The following PIK3C2A variants were observed in gnomAD, a reference collection of about 807,000 sequenced individuals.
PIK3C2A encodes the protein phosphatidylinositol 4-phosphate 3-kinase C2 domain-containing subunit alpha.
Under a neutral mutation model 204.5 loss-of-function variants are expected in PIK3C2A, and 97 were observed. That is an observed-to-expected ratio of 0.47 (90% CI 0.40 to 0.56). PIK3C2A has a LOEUF of 0.56. Among genes scored for constraint, PIK3C2A ranks in the 20% least tolerant of loss-of-function variants. The pLI, the probability that PIK3C2A is intolerant of heterozygous loss-of-function variation, is 0.00. For missense variants in PIK3C2A, 1,735 were observed against 1,969.2 expected (o/e 0.88, Z 2.25); for synonymous variants, 653 against 664.4 (o/e 0.98, Z 0.26).
At chr11:17,181,056 G>T (rs1565296660) in intron 1 of PIK3C2A, among the ~76,000 whole-genome samples, 1 of 152,098 alleles carries the variant, frequency 6.6e-6, no homozygotes, top group African/African-American at 2.4e-5. Flanking sequence ...AAAGGGAAGA[G>T]ATGCATAGGG....
chr11:17,207,630 A>G (rs1472043583), intron 1 of PIK3C2A, among the ~76,000 whole-genome samples: 1 of 152,056 alleles, frequency 6.6e-6, no homozygotes, highest in Non-Finnish European at 1.5e-5. Flanking sequence ...CCTCCAGCGC[A>G]GCACTTGCTC....
intron 4 of PIK3C2A, among the ~76,000 whole-genome samples, chr11:17,149,483 C>T (rs764737022): frequency 6.6e-6 from 1 of 152,154 alleles, no homozygotes; most frequent in Non-Finnish European, 1.5e-5. Flanking sequence ...CAATCCCCCA[C>T]AGATGATATT....
intron 1 of PIK3C2A, among the ~76,000 whole-genome samples, chr11:17,171,542 G>C (rs971199073): frequency 4.6e-5 from 7 of 152,050 alleles, no homozygotes; most frequent in African/African-American, 1.7e-4. Context: ...TGAAGAAAGA[G>C]GAATTCAAAG....
chr11:17,161,777 T>C (rs1465567588), intron 2 of PIK3C2A, among the ~76,000 whole-genome samples: 1 of 152,120 alleles, frequency 6.6e-6, no homozygotes, highest in Non-Finnish European at 1.5e-5. Context: ...CTTAAGCATG[T>C]GAAGTAATTA....
chr11:17,092,442 G>A (rs1488571720), intron 28 of PIK3C2A, among the ~76,000 whole-genome samples, 166 bp from the exon 29 acceptor site: 2 of 152,294 alleles, frequency 1.3e-5, no homozygotes, highest in East Asian at 1.9e-4. Flanking sequence ...CAAGGCGGGT[G>A]GATCACTTGA....
chr11:17,129,879 G>A (rs571274540), intron 12 of PIK3C2A, among the ~76,000 whole-genome samples: 4 of 152,278 alleles, frequency 2.6e-5, no homozygotes, highest in South Asian at 2.1e-4. Flanking sequence ...GAGCCACCAC[G>A]CCAGCCTCAA....
intron 1 of PIK3C2A, among the ~76,000 whole-genome samples, chr11:17,172,954 T>C (rs1851226117): frequency 6.6e-6 from 1 of 152,226 alleles, no homozygotes; most frequent in African/African-American, 2.4e-5. Flanking sequence ...AATTTTCTTT[T>C]TTCACTGTCA....
chr11:17,207,483 CCCGGT>C (rs918387073), intron 1 of PIK3C2A, among the ~76,000 whole-genome samples: 1 of 152,238 alleles, frequency 6.6e-6, no homozygotes, highest in African/African-American at 2.4e-5. Context: ...GCGGCTCCAG[CCCGGT>C]CCCGCGGGAC....
At position 17,094,335 on chromosome 11, in the gene PIK3C2A, G is replaced by C. The variant is rs1848393478; in HGVS notation, c.4377C>G (p.Val1459=). Residue 1459 remains valine (V), a synonymous_variant, in exon 28 of 33, where the codon GTC becomes GTG. Coordinates refer to ENST00000691414, the MANE Select transcript of PIK3C2A (RefSeq NM_002645.4). ...CCTGAAATTCGTCAAATGTTCGGAA[G>C]ACAAATGATGGTTCAATCTGTCCTT... is the stretch of plus-strand genomic sequence containing the variant. The part of the protein sequence containing the change: ...LREGQIEPSF[V]FRTFDEFQEL... 6.2e-7 allele frequency: 1 copy of C among 1,610,052 alleles called. No individual in the cohort carries two copies. Among genetic ancestry groups the C allele is most frequent in the Non-Finnish European group, 8.5e-7 (1 of 1,176,312 alleles).
At chr11:17,112,176 G>C (rs1849023969) in intron 21 of PIK3C2A, among the ~76,000 whole-genome samples, 1 of 152,028 alleles carries the variant, frequency 6.6e-6, no homozygotes, top group Non-Finnish European at 1.5e-5. Context: ...TTTTGGCTGG[G>C]CGCGATGGCT....
intron 23 of PIK3C2A, among the ~76,000 whole-genome samples, chr11:17,104,844 G>C (rs1376675099): frequency 6.6e-6 from 1 of 151,600 alleles, no homozygotes; most frequent in Non-Finnish European, 1.5e-5. Flanking sequence ...ACCACATGAT[G>C]CAGCCCATTT....
At chr11:17,159,016 G>A (rs986481088) in intron 2 of PIK3C2A, among the ~76,000 whole-genome samples, 5 of 151,972 alleles carry the variant, frequency 3.3e-5, no homozygotes, top group Admixed American at 3.3e-4. Flanking sequence ...TAACAGTTTT[G>A]GGTTTTTCCC....
At position 17,119,938 on chromosome 11, in the gene PIK3C2A, T is replaced by C. The variant is rs1849319742; in HGVS notation, c.2694A>G (p.Lys898=). The C allele has an allele frequency of 3.1e-6, 5 of 1,601,002 alleles. No individual in the cohort carries two copies. The highest frequency in any genetic ancestry group is 4.3e-6 in the Non-Finnish European group (5 of 1,172,272). ...SKEDKAFLWE[K]RYYCFKHPNC... ...TTGGGTGTTTGAAGCAATAATAACGTTTCTCCCATAAAAAAGCTTTATCTT... is the reference window on the plus strand; with the variant it reads ...TTGGGTGTTTGAAGCAATAATAACGCTTCTCCCATAAAAAAGCTTTATCTT... The change falls in exon 16 of 33, where the codon AAA becomes AAG. Residue 898 remains lysine, a synonymous_variant. Coordinates refer to ENST00000691414, the MANE Select transcript of PIK3C2A (RefSeq NM_002645.4).
intron 1 of PIK3C2A, among the ~76,000 whole-genome samples, chr11:17,178,723 T>G (rs1363587997): frequency 3.7e-5 from 5 of 136,472 alleles, no homozygotes; most frequent in African/African-American, 1.4e-4. Flanking sequence ...ATTTTTTTTT[T>G]TTTTTTTTTT....
At chr11:17,096,588 A>G (rs1848462737) in intron 27 of PIK3C2A, among the ~76,000 whole-genome samples, 1 of 142,268 alleles carries the variant, frequency 7.0e-6, no homozygotes. Context: ...TTTAAAGACT[A>G]TCTATTTGCC....
At chr11:17,136,795 A>G (rs1849888158) in intron 8 of PIK3C2A, among the ~76,000 whole-genome samples, 170 bp from the exon 9 acceptor site, 1 of 152,248 alleles carries the variant, frequency 6.6e-6, no homozygotes, top group Non-Finnish European at 1.5e-5. Context: ...ATTTCAAAGT[A>G]GGAAAAGGCA....
chr11:17,101,821 T>C (rs975545175), intron 24 of PIK3C2A, among the ~76,000 whole-genome samples: 2 of 151,808 alleles, frequency 1.3e-5, no homozygotes, highest in Non-Finnish European at 2.9e-5. Flanking sequence ...GCCAGGATGG[T>C]CTCGATCTCC....
intron 15 of PIK3C2A, among the ~76,000 whole-genome samples, chr11:17,121,304 A>T (rs1849359741): frequency 6.6e-6 from 1 of 151,352 alleles, no homozygotes; most frequent in Non-Finnish European, 1.5e-5. Context: ...TTTTGTAGAG[A>T]CAGGGTCTCA....
intron 2 of PIK3C2A, among the ~76,000 whole-genome samples, chr11:17,165,782 G>T: frequency 1.3e-5 from 1 of 78,844 alleles, no homozygotes; most frequent in East Asian, 5.8e-4. Flanking sequence ...TCAAAAAAGT[G>T]AAAAAAAAAA....
Sources: gnomAD v4.1 joint callset for allele counts (sites outside exome capture counted in the v4.1 genomes callset) on GRCh38, gnomAD v4.1.1 for gene constraint, MANE v1.5 for transcripts, NCBI Gene and HGNC (gene_info 2026-07-23, HGNC 2026-07-21) for gene names.